Variants in ERC1 observed in about 807,000 individuals in gnomAD.
ERC1 encodes the protein RAB6 interacting protein 2.
Under a neutral mutation model 132.0 loss-of-function variants are expected in ERC1, and 56 were observed. That is an observed-to-expected ratio of 0.42 (90% CI 0.34 to 0.53). ERC1 has a LOEUF of 0.53. Ranked by LOEUF, ERC1 falls within the 20% of genes least tolerant of loss-of-function variation. ERC1 has a pLI of 0.03. For missense variants in ERC1, 1,202 were observed against 1,349.9 expected (o/e 0.89, Z 1.72); for synonymous variants, 478 against 476.1 (o/e 1.00, Z -0.05).
chr12:1,041,142 A>G (rs1970144840), intron 2 of ERC1, among the ~76,000 whole-genome samples: 1 of 152,170 alleles, frequency 6.6e-6, no homozygotes, highest in Non-Finnish European at 1.5e-5. Context: ...TTTAGAAACA[A>G]TAAACCTAAT....
At chr12:1,057,998 TAG>T (rs1973317243) in intron 2 of ERC1, among the ~76,000 whole-genome samples, 1 of 152,098 alleles carries the variant, frequency 6.6e-6, no homozygotes, top group African/African-American at 2.4e-5. Flanking sequence ...AAAATCAGAT[TAG>T]GTTTTTTTTG....
chr12:1,358,409 T>G (rs2085749737), intron 15 of ERC1, among the ~76,000 whole-genome samples: 1 of 152,160 alleles, frequency 6.6e-6, no homozygotes, highest in Non-Finnish European at 1.5e-5. Flanking sequence ...AAGATTCTTT[T>G]TATATACTTA....
intron 1 of ERC1, among the ~76,000 whole-genome samples, chr12:1,014,590 G>A (rs1326928286): frequency 6.6e-6 from 1 of 152,064 alleles, no homozygotes; most frequent in Non-Finnish European, 1.5e-5. Context: ...GGCTTTTACC[G>A]TACAAATCAT....
chr12:1,217,190 T>A (rs1034200412), intron 12 of ERC1, among the ~76,000 whole-genome samples: 1 of 152,214 alleles, frequency 6.6e-6, no homozygotes, highest in Non-Finnish European at 1.5e-5. Context: ...CTGTCATAGA[T>A]CCAAAAAGCC....
chr12:1,141,209 T>C (rs2154248805), intron 7 of ERC1, among the ~76,000 whole-genome samples: 1 of 152,324 alleles, frequency 6.6e-6, no homozygotes, highest in Admixed American at 6.5e-5. Flanking sequence ...CATAAAAGCC[T>C]CATAGCCTAT....
At chr12:1,227,430 A>G (rs1161983183) in intron 12 of ERC1, among the ~76,000 whole-genome samples, 1 of 152,164 alleles carries the variant, frequency 6.6e-6, no homozygotes. Flanking sequence ...GCATTTTTCC[A>G]TATACCTGGT....
At chr12:1,051,856 T>G (rs192710900) in intron 2 of ERC1, among the ~76,000 whole-genome samples, 2 of 152,016 alleles carry the variant, frequency 1.3e-5, no homozygotes, top group African/African-American at 4.8e-5. Context: ...TCTCTTGTTT[T>G]CTGTTCTTGA....
chr12:1,048,621 T>G (rs1188908107), intron 2 of ERC1, among the ~76,000 whole-genome samples: 1 of 152,238 alleles, frequency 6.6e-6, no homozygotes, highest in African/African-American at 2.4e-5. Context: ...TATTTCTCTG[T>G]CACATCAAGA....
intron 4 of ERC1, among the ~76,000 whole-genome samples, 173 bp from the exon 5 acceptor site, chr12:1,110,019 C>A (rs1945678968): frequency 6.6e-6 from 1 of 152,208 alleles, no homozygotes; most frequent in South Asian, 2.1e-4. Flanking sequence ...TGCACTAGAG[C>A]CTGGGCGACA....
chr12:1,225,302 T>A (rs1477008696), intron 12 of ERC1, among the ~76,000 whole-genome samples: 1 of 151,684 alleles, frequency 6.6e-6, no homozygotes, highest in South Asian at 2.1e-4. Context: ...CTACAAAAAT[T>A]AGCTGAGCAT....
chr12:1,131,304 C>T (rs1005195117), intron 7 of ERC1, among the ~76,000 whole-genome samples: 1 of 151,884 alleles, frequency 6.6e-6, no homozygotes, highest in Non-Finnish European at 1.5e-5. Flanking sequence ...AAGGTGTGAT[C>T]ACAGAGTTAG....
intron 8 of ERC1, among the ~76,000 whole-genome samples, chr12:1,155,233 C>T (rs548309738): frequency 4.3e-5 from 6 of 140,500 alleles, no homozygotes; most frequent in African/African-American, 1.6e-4. Flanking sequence ...GGCTGAGACA[C>T]GAGAATTGCT....
chr12:1,477,597 C>A (rs764459442), intron 18 of ERC1, among the ~76,000 whole-genome samples: 3 of 152,122 alleles, frequency 2.0e-5, no homozygotes, highest in Non-Finnish European at 2.9e-5. Context: ...GTTAGATAAT[C>A]CTTGGGGGTC....
At chr12:1,198,257 T>A (rs1247781534) in intron 12 of ERC1, among the ~76,000 whole-genome samples, 1 of 152,190 alleles carries the variant, frequency 6.6e-6, no homozygotes, top group African/African-American at 2.4e-5. Context: ...GTCTTTGGTC[T>A]TTCCATGTTC....
chr12:990,155 T>A (rs1959168007), upstream of ERC1: 1 of 152,152 alleles, frequency 6.6e-6, no homozygotes, highest in Admixed American at 6.5e-5. Flanking sequence ...TGAGGCAGTA[T>A]AAAGTGGTTA....
At position 1,382,320 on chromosome 12, in the gene ERC1, A is replaced by C. The variant is rs77036763; in HGVS notation, c.2925+10343A>C. Among the ~76,000 whole-genome samples the C allele has an allele frequency of 9.5e-3, 1,442 of 152,334 alleles. 28 individuals carry two copies. Among genetic ancestry groups the C allele is most frequent in the African/African-American group, 0.033 (1,361 of 41,564 alleles). On this transcript the variant is annotated intron_variant, in intron 16 of 18. Coordinates refer to ENST00000360905, the MANE Select transcript of ERC1 (RefSeq NM_178040.4). ...AGTGGTTTAAAGCCACAGCAGAAAAAGAACTGTGAGAAAGTAGGGGCCACA... is the reference window on the plus strand; with the variant it reads ...AGTGGTTTAAAGCCACAGCAGAAAACGAACTGTGAGAAAGTAGGGGCCACA...
intron 4 of ERC1, 90 bp downstream of exon 4, chr12:1,104,914 TG>T: frequency 1.3e-6 from 1 of 765,582 alleles, no homozygotes; most frequent in East Asian, 2.5e-5. Context: ...GGAAATGGCA[TG>T]TAATAGTATT....
intron 18 of ERC1, among the ~76,000 whole-genome samples, chr12:1,473,358 C>G (rs1301560840): frequency 1.3e-5 from 2 of 152,128 alleles, no homozygotes; most frequent in African/African-American, 2.4e-5. Flanking sequence ...CCATTTTGTT[C>G]AAAGTTAGTT....
At chr12:1,105,353 A>G (rs1490270010) in intron 4 of ERC1, among the ~76,000 whole-genome samples, 4 of 151,854 alleles carry the variant, frequency 2.6e-5, no homozygotes, top group African/African-American at 9.7e-5. Context: ...ATTTTTTTTT[A>G]TTATTTTTTA....
Sources: gnomAD v4.1 joint callset for allele counts (sites outside exome capture counted in the v4.1 genomes callset) on GRCh38, gnomAD v4.1.1 for gene constraint, MANE v1.5 for transcripts, NCBI Gene and HGNC (gene_info 2026-07-23, HGNC 2026-07-21) for gene names.